ZNF117: variants seen among roughly 807,000 people sequenced by gnomAD.
ZNF117 encodes Krueppel-related zinc finger protein.
In ZNF117, 37 loss-of-function variants were observed where a neutral mutation model predicts 41.2. That is an observed-to-expected ratio of 0.90 (90% CI 0.69 to 1.18). The LOEUF (loss-of-function observed/expected upper bound fraction) is 1.18. Among genes scored for constraint, ZNF117 ranks in the 50% most tolerant of loss-of-function variants. The pLI is 0.00. For missense variants in ZNF117, 546 were observed against 557.5 expected, an observed-to-expected ratio of 0.98 and a Z score of 0.21; for synonymous variants, 186 against 186.6, an observed-to-expected ratio of 1.00 and a Z score of 0.02.
chr7:64,975,424 T>C (rs1469940219), exon 3 of ZNF117: 1 of 151,774 alleles, frequency 6.6e-6, no homozygotes, highest in Non-Finnish European at 1.5e-5. Flanking sequence ...TATTATAAAT[T>C]AAACACAAAG....
exon 3 of ZNF117, chr7:64,978,426 A>G: frequency 2.5e-6 from 4 of 1,613,528 alleles, no homozygotes; most frequent in Non-Finnish European, 3.4e-6. Context: ...TCCAGTATGG[A>G]TTATCTTATG....
chr7:64,986,335 A>G (rs1428246187), upstream of ZNF117, among the ~76,000 whole-genome samples: 1 of 152,232 alleles, frequency 6.6e-6, no homozygotes, highest in Non-Finnish European at 1.5e-5. Flanking sequence ...ACTGAGAAGT[A>G]CAAAACTGTT....
exon 3 of ZNF117, chr7:64,979,457 T>C: frequency 6.2e-7 from 1 of 1,606,974 alleles, no homozygotes; most frequent in Non-Finnish European, 8.5e-7. Context: ...ATTTTCTATA[T>C]CTTCTTAGGG....
upstream of ZNF117, among the ~76,000 whole-genome samples, chr7:64,983,030 A>G (rs1584050940): frequency 1.3e-5 from 2 of 152,352 alleles, no homozygotes; most frequent in East Asian, 3.9e-4. Context: ...CAGATAATTC[A>G]TATGTTCTGT....
chr7:64,981,922 C>T (rs1194463654), intron 1 of ZNF117, 62 bp downstream of exon 2: 8 of 454,312 alleles, frequency 1.8e-5, no homozygotes, highest in Non-Finnish European at 3.2e-5. Context: ...TCACCAAAAA[C>T]ATTCTACAAA....
At chr7:64,989,458 TA>T (rs1786208542) in intron 1 of ZNF117, among the ~76,000 whole-genome samples, 1 of 35,194 alleles carries the variant, frequency 2.8e-5, no homozygotes, top group Non-Finnish European at 6.2e-5. Flanking sequence ...TATATATATA[TA>T]TATATATATA....
At chr7:64,981,399 C>T in exon 2 of ZNF117, 1 of 1,613,130 alleles carries the variant, frequency 6.2e-7, no homozygotes. Context: ...AAATGTTTAG[C>T]TACCATCTCA....
At chr7:64,988,199 A>G (rs1410353925) in intron 1 of ZNF117, among the ~76,000 whole-genome samples, 2 of 152,226 alleles carry the variant, frequency 1.3e-5, no homozygotes, top group African/African-American at 2.4e-5. Flanking sequence ...TGATGCAAAA[A>G]TCTTCAACAA....
At chr7:64,975,176 G>A (rs928610174) in exon 3 of ZNF117, 1 of 151,578 alleles carries the variant, frequency 6.6e-6, no homozygotes, top group Non-Finnish European at 1.5e-5. Context: ...TGAAGTTAGT[G>A]GCATGATAAT....
At chr7:64,973,361 A>G (rs1183994772), downstream of ZNF117, 1 of 152,026 alleles carries the variant, frequency 6.6e-6, no homozygotes, top group Non-Finnish European at 1.5e-5. Context: ...TTAATTTCTA[A>G]GATGTATTTT....
chr7:64,987,833 A>C (rs1184423667), intron 1 of ZNF117, among the ~76,000 whole-genome samples: 62 of 150,532 alleles, frequency 4.1e-4, no homozygotes, highest in Non-Finnish European at 4.7e-4. Context: ...AAAAGGAAAA[A>C]AAAAAAAAAA....
intron 1 of ZNF117, 92 bp downstream of exon 2, chr7:64,981,892 C>G (rs1356257620): frequency 2.4e-6 from 1 of 415,238 alleles, no homozygotes; most frequent in Non-Finnish European, 4.4e-6. Flanking sequence ...ATCTGAAACT[C>G]AATTTATGCA....
upstream of ZNF117, among the ~76,000 whole-genome samples, chr7:64,983,479 G>T (rs1786073807): frequency 6.6e-6 from 1 of 152,134 alleles, no homozygotes; most frequent in Admixed American, 6.5e-5. Flanking sequence ...ACTCATTAGG[G>T]AGAAACAACA....
intron 2 of ZNF117, 103 bp downstream of exon 3, chr7:64,981,284 A>G: frequency 1.4e-6 from 2 of 1,451,900 alleles, no homozygotes; most frequent in Non-Finnish European, 1.9e-6. Context: ...TCCAGAAACT[A>G]TTTCCTTTGG....
intron 1 of ZNF117, 56 bp downstream of exon 1, chr7:64,989,891 G>A (rs1786226278): frequency 6.6e-6 from 1 of 152,028 alleles, no homozygotes; most frequent in Non-Finnish European, 1.5e-5. Flanking sequence ...GGCCAACATG[G>A]TGAAACCCCA....
chr7:64,980,674 T>A (rs1232487420), intron 2 of ZNF117: 2 of 149,770 alleles, frequency 1.3e-5, no homozygotes, highest in African/African-American at 2.5e-5. Flanking sequence ...AGTTGCAAGA[T>A]AAAAGTGATA....
chr7:64,989,021 A>G (rs1426534586), intron 1 of ZNF117, among the ~76,000 whole-genome samples: 1 of 152,152 alleles, frequency 6.6e-6, no homozygotes, highest in Non-Finnish European at 1.5e-5. Flanking sequence ...CATACTGCCA[A>G]AAGAAATTTA....
At chr7:64,985,679 G>A (rs1786119096), upstream of ZNF117, among the ~76,000 whole-genome samples, 1 of 152,008 alleles carries the variant, frequency 6.6e-6, no homozygotes. Context: ...ATATACTCCT[G>A]GCAGGGTGCA....
upstream of ZNF117, among the ~76,000 whole-genome samples, chr7:64,986,181 A>C (rs1786131854): frequency 6.6e-6 from 1 of 152,174 alleles, no homozygotes; most frequent in South Asian, 2.1e-4. Context: ...TGGGTGTATC[A>C]ATCAAGAAAA....
Sources: gnomAD v4.1 joint callset for allele counts (sites outside exome capture counted in the v4.1 genomes callset) on GRCh38, gnomAD v4.1.1 for gene constraint, MANE v1.5 for transcripts, NCBI Gene and HGNC (gene_info 2026-07-23, HGNC 2026-07-21) for gene names.